Variants in DSCAM observed in about 807,000 individuals in gnomAD.
DSCAM encodes the protein cell adhesion molecule DSCAM.
A neutral mutation model predicts 217.7 loss-of-function variants in DSCAM; 47 were observed. That is an observed-to-expected ratio of 0.22 (90% CI 0.17 to 0.28). The LOEUF is 0.28. DSCAM is among the 10% of genes least tolerant of loss of function. The pLI is 1.00. For synonymous variants in DSCAM, 1,056 were observed against 1,015.3 expected (o/e 1.04, Z -0.76); for missense variants, 2,080 against 2,618.3 (o/e 0.79, Z 4.49).
At chr21:40,134,871 T>A (rs893510124) in intron 18 of DSCAM, among the ~76,000 whole-genome samples, 1 of 152,190 alleles carries the variant, frequency 6.6e-6, no homozygotes, top group Non-Finnish European at 1.5e-5. Flanking sequence ...AACCCCTCTT[T>A]TTACCTGGAG....
intron 3 of DSCAM, among the ~76,000 whole-genome samples, chr21:40,491,225 G>C (rs1270357638): frequency 6.6e-6 from 1 of 151,974 alleles, no homozygotes; most frequent in South Asian, 2.1e-4. Flanking sequence ...TCTTTGACAG[G>C]TAATAAGGCA....
intron 1 of DSCAM, among the ~76,000 whole-genome samples, chr21:40,764,748 C>T (rs1227412901): frequency 6.6e-6 from 1 of 152,056 alleles, no homozygotes; most frequent in Non-Finnish European, 1.5e-5. Flanking sequence ...GGCACATATA[C>T]ACCATGGAAT....
At chr21:40,439,561 A>G (rs2075612821) in intron 3 of DSCAM, among the ~76,000 whole-genome samples, 3 of 152,246 alleles carry the variant, frequency 2.0e-5, no homozygotes, top group Non-Finnish European at 4.4e-5. Context: ...AGTCCCATGC[A>G]CACATTGGAG....
At chr21:40,304,386 T>G (rs1434127390) in intron 9 of DSCAM, among the ~76,000 whole-genome samples, 1 of 152,234 alleles carries the variant, frequency 6.6e-6, no homozygotes, top group Non-Finnish European at 1.5e-5. Context: ...GGTGGCTGGT[T>G]TGGTTTTCTC....
chr21:40,085,689 C>T lies in DSCAM; in HGVS notation c.4045G>A (p.Val1349Met), dbSNP rs200163392. The change falls in exon 23 of 33, where the codon GTG becomes ATG. Residue 1349 changes from valine (V) to methionine (M), a missense_variant. Coordinates refer to ENST00000400454, the MANE Select transcript of DSCAM (RefSeq NM_001389.5). ...TAATAGCCGGAGTCTTCTGCTTTCA[C>T]CGTGCGAATAATGAAGCTTCCGTTG... ...FSNGSFIIRT[V>M]KAEDSGYYSC... 8 of 1,593,812 alleles carry T rather than the reference C, an allele frequency of 5.0e-6. No homozygotes were observed. Among genetic ancestry groups the T allele is most frequent in the Non-Finnish European group, 6.0e-6 (7 of 1,164,294 alleles).
chr21:40,425,741 C>G (rs1173721099), intron 3 of DSCAM, among the ~76,000 whole-genome samples: 1 of 143,050 alleles, frequency 7.0e-6, no homozygotes, highest in South Asian at 2.3e-4. Context: ...AGCTTTTTTT[C>G]TGTTTTAGTA....
In DSCAM at chr21:40,688,255, T is replaced by C. The variant is rs141408635; in HGVS notation, c.508+4555A>G. ...TTTGATGTTAATGTAGCTAAACCCC[T>C]GGTGAGATTCTCACAATTTTATCAG... On this transcript the variant is annotated intron_variant, in intron 3 of 32. Transcript: ENST00000400454. 4.1e-3 allele frequency among the ~76,000 whole-genome samples: 623 copies of C among 152,322 alleles called. 1 individual carries two copies. The highest frequency in any genetic ancestry group is 0.014 in the African/African-American group (593 of 41,572).
intron 3 of DSCAM, among the ~76,000 whole-genome samples, chr21:40,502,199 A>G (rs1342495692): frequency 4.6e-5 from 7 of 152,170 alleles, no homozygotes; most frequent in African/African-American, 1.7e-4. Context: ...AAAATTACTA[A>G]TATTTTCAAA....
chr21:40,253,677 T>C (rs2073334222), intron 11 of DSCAM, among the ~76,000 whole-genome samples: 1 of 152,206 alleles, frequency 6.6e-6, no homozygotes, highest in Admixed American at 6.5e-5. Flanking sequence ...TAATAAAACT[T>C]AGATAAAAAC....
chr21:40,674,106 AT>A (rs1307524625), intron 3 of DSCAM, among the ~76,000 whole-genome samples: 1 of 152,228 alleles, frequency 6.6e-6, no homozygotes, highest in Non-Finnish European at 1.5e-5. Flanking sequence ...TTGAACCAGA[AT>A]CCACATAATC....
At chr21:40,330,056 C>G (rs1325252985) in intron 8 of DSCAM, among the ~76,000 whole-genome samples, 1 of 151,762 alleles carries the variant, frequency 6.6e-6, no homozygotes, top group Non-Finnish European at 1.5e-5. Flanking sequence ...GTGAGACAAC[C>G]TATATGTTAT....
At chr21:40,505,922 A>G (rs2076206763) in intron 3 of DSCAM, among the ~76,000 whole-genome samples, 1 of 152,210 alleles carries the variant, frequency 6.6e-6, no homozygotes, top group African/African-American at 2.4e-5. Flanking sequence ...ACAGGAGACA[A>G]GCAAAGTAGC....
intron 32 of DSCAM, among the ~76,000 whole-genome samples, chr21:40,041,551 C>G (rs577401467): frequency 6.6e-5 from 10 of 152,264 alleles, no homozygotes; most frequent in Admixed American, 3.3e-4. Flanking sequence ...TTCTTTTAGA[C>G]AGTAGTGAAC....
rs1555896636 is a variant in DSCAM at position 40,266,799 on chromosome 21, TACACAC to T, written c.2356+9292_2356+9297del. Among the ~76,000 whole-genome samples the T allele has an allele frequency of 3.1e-3, 395 of 129,506 alleles. 4 individuals carry two copies. Among genetic ancestry groups the T allele is most frequent in the African/African-American group, 0.013 (384 of 29,420 alleles). 85.0% of individuals were successfully genotyped at this position (129,506 alleles called of 152,430 possible). A position where few individuals can be genotyped will look rare whatever the true frequency, so the allele number is the denominator to read the frequency against. On this transcript the variant is annotated intron_variant, in intron 11 of 32. Transcript: ENST00000400454. The stretch of plus-strand genomic sequence containing the variant: ...ATGCATATATATATATATATATATA[TACACAC>T]ACACACACCCCCACACACATCGTGA...
intron 16 of DSCAM, among the ~76,000 whole-genome samples, chr21:40,146,093 A>G (rs1043765261): frequency 1.3e-5 from 2 of 152,136 alleles, no homozygotes; most frequent in African/African-American, 4.8e-5. Flanking sequence ...CTCCGTCCTG[A>G]AAGTGTTTAT....
intron 3 of DSCAM, among the ~76,000 whole-genome samples, chr21:40,681,116 G>A (rs2090395704): frequency 1.3e-5 from 2 of 152,196 alleles, no homozygotes; most frequent in South Asian, 4.1e-4. Flanking sequence ...TAATCACTTG[G>A]GAAACTGATG....
chr21:40,394,849 A>G (rs1398457255), intron 3 of DSCAM, among the ~76,000 whole-genome samples: 1 of 152,214 alleles, frequency 6.6e-6, no homozygotes, highest in Non-Finnish European at 1.5e-5. Flanking sequence ...ATTGGGGAGT[A>G]CTAAGAGAGA....
chr21:40,266,776 G>T (rs1185161467), intron 11 of DSCAM, among the ~76,000 whole-genome samples: 3 of 19,316 alleles, frequency 1.6e-4, no homozygotes, highest in South Asian at 2.1e-3. Flanking sequence ...ATTTTCACAT[G>T]CATATATATA....
intron 1 of DSCAM, among the ~76,000 whole-genome samples, chr21:40,772,072 T>A (rs2091449843): frequency 1.5e-5 from 2 of 132,248 alleles, no homozygotes; most frequent in Admixed American, 1.5e-4. Flanking sequence ...AGAATTTTCA[T>A]AATAAGGGCT....
Sources: allele counts gnomAD v4.1 joint callset (sites outside exome capture counted in the v4.1 genomes callset), GRCh38; gene constraint gnomAD v4.1.1; transcripts MANE v1.5; gene names NCBI Gene and HGNC (gene_info 2026-07-23, HGNC 2026-07-21).